The following ZDHHC14 variants were observed in gnomAD, a reference collection of about 807,000 sequenced individuals.
ZDHHC14 encodes zDHHC palmitoyltransferase 14.
A neutral mutation model predicts 47.7 loss-of-function variants in ZDHHC14; 16 were observed. That is an observed-to-expected ratio of 0.34 (90% CI 0.23 to 0.51). ZDHHC14 has a LOEUF of 0.51. Among genes scored for constraint, ZDHHC14 ranks in the 20% least tolerant of loss-of-function variants. The pLI is 0.97. For synonymous variants in ZDHHC14, 293 were observed against 278.9 expected (o/e 1.05, Z -0.50); for missense variants, 515 against 662.5 (o/e 0.78, Z 2.44).
intron 1 of ZDHHC14, among the ~76,000 whole-genome samples, chr6:157,494,780 G>T (rs1780014320): frequency 6.6e-6 from 1 of 152,164 alleles, no homozygotes; most frequent in Admixed American, 6.5e-5. Context: ...GGGCTCTAAG[G>T]TCTCAAAACC....
In ZDHHC14 at chr6:157,436,636, G is replaced by T. The variant is rs1418185790; in HGVS notation, c.245+54370G>T. On this transcript the variant is annotated intron_variant, in intron 1 of 8. Transcript: ENST00000359775. ...GAATAATGTGATGATGGGCACAGGCGTCAGAGCCCTCAGAGAGGTCTGCGG... is the reference window on the plus strand; with the variant it reads ...GAATAATGTGATGATGGGCACAGGCTTCAGAGCCCTCAGAGAGGTCTGCGG... Among the ~76,000 whole-genome samples the T allele has an allele frequency of 1.1e-4, 17 of 152,100 alleles. 1 individual carries two copies. The highest frequency in any genetic ancestry group is 1.1e-3 in the Admixed American group (17 of 15,282).
At chr6:157,635,989 C>T (rs950637972) in intron 5 of ZDHHC14, among the ~76,000 whole-genome samples, 1 of 152,166 alleles carries the variant, frequency 6.6e-6, no homozygotes, top group African/African-American at 2.4e-5. Context: ...TTTCCTCCCA[C>T]AGCCAGGCGC....
chr6:157,637,721 C>T (rs1274283645), intron 5 of ZDHHC14, among the ~76,000 whole-genome samples: 1 of 152,174 alleles, frequency 6.6e-6, no homozygotes, highest in Non-Finnish European at 1.5e-5. Flanking sequence ...TATATTTTCA[C>T]ATTTTCAGTG....
intron 3 of ZDHHC14, among the ~76,000 whole-genome samples, chr6:157,603,489 C>T (rs988035822): frequency 6.6e-6 from 1 of 151,986 alleles, no homozygotes; most frequent in Non-Finnish European, 1.5e-5. Flanking sequence ...TGCTGGAGCA[C>T]GATGCTTGAA....
intron 1 of ZDHHC14, among the ~76,000 whole-genome samples, chr6:157,482,775 C>T (rs1779666816): frequency 6.7e-6 from 1 of 149,210 alleles, no homozygotes; most frequent in Non-Finnish European, 1.5e-5. Context: ...TGGAGTCTTG[C>T]TCTGTCACCC....
At chr6:157,503,100 A>C (rs932312282) in intron 1 of ZDHHC14, among the ~76,000 whole-genome samples, 2 of 152,218 alleles carry the variant, frequency 1.3e-5, no homozygotes, top group Non-Finnish European at 2.9e-5. Flanking sequence ...ATTTGCCTAA[A>C]TTGGCACCCA....
At chr6:157,487,376 C>A (rs1269700181) in intron 1 of ZDHHC14, among the ~76,000 whole-genome samples, 1 of 152,200 alleles carries the variant, frequency 6.6e-6, no homozygotes, top group Admixed American at 6.5e-5. Context: ...TGGAGTCTCA[C>A]TGACCTGGTC....
intron 8 of ZDHHC14, among the ~76,000 whole-genome samples, chr6:157,659,410 C>T (rs1188665419): frequency 6.6e-6 from 1 of 152,358 alleles, no homozygotes; most frequent in South Asian, 2.1e-4. Flanking sequence ...CATGTTAGGG[C>T]CATGAGAAAT....
At chr6:157,514,055 G>A (rs920441376) in intron 1 of ZDHHC14, among the ~76,000 whole-genome samples, 7 of 152,168 alleles carry the variant, frequency 4.6e-5, no homozygotes, top group Non-Finnish European at 7.3e-5. Context: ...CAGTCTTCCT[G>A]AATGAGTTTG....
intron 1 of ZDHHC14, chr6:157,529,258 G>C (rs150830789): frequency 0.01 from 1,610 of 154,722 alleles, 18 homozygotes; most frequent in Non-Finnish European, 0.018. Context: ...GTTACTTCTT[G>C]AGTATAACCT....
chr6:157,575,482 A>C (rs1374961117), intron 2 of ZDHHC14, among the ~76,000 whole-genome samples: 1 of 152,002 alleles, frequency 6.6e-6, no homozygotes, highest in Non-Finnish European at 1.5e-5. Context: ...TCCCGCTTAC[A>C]CTGTGCTCTG....
intron 1 of ZDHHC14, among the ~76,000 whole-genome samples, chr6:157,464,169 A>T (rs1242375096): frequency 6.6e-6 from 1 of 152,246 alleles, no homozygotes; most frequent in Admixed American, 6.5e-5. Flanking sequence ...ATATGTTGAA[A>T]ATCCTTCTTT....
At chr6:157,560,739 T>C (rs779241045) in intron 2 of ZDHHC14, among the ~76,000 whole-genome samples, 4 of 152,270 alleles carry the variant, frequency 2.6e-5, no homozygotes, top group African/African-American at 7.2e-5. Context: ...CAGTACTTCT[T>C]ACTCATTGCC....
At chr6:157,592,682 G>C (rs1487889055) in intron 2 of ZDHHC14, 1 of 1,060,656 alleles carries the variant, frequency 9.4e-7, no homozygotes, top group Non-Finnish European at 1.2e-6. Context: ...GCCGCCTACA[G>C]GGAGGGGAGG....
At chr6:157,517,558 G>T (rs528024813) in intron 1 of ZDHHC14, among the ~76,000 whole-genome samples, 1 of 152,086 alleles carries the variant, frequency 6.6e-6, no homozygotes. Flanking sequence ...TGATCCATTC[G>T]CCTTGGCCTC....
chr6:157,605,901 G>A (rs1184601309), intron 3 of ZDHHC14, among the ~76,000 whole-genome samples: 1 of 152,168 alleles, frequency 6.6e-6, no homozygotes, highest in Non-Finnish European at 1.5e-5. Flanking sequence ...GAGGAGTAGA[G>A]AAGGTAACCA....
At chr6:157,596,887 TACA>T (rs1346338178) in intron 3 of ZDHHC14, among the ~76,000 whole-genome samples, 1 of 152,210 alleles carries the variant, frequency 6.6e-6, no homozygotes, top group Non-Finnish European at 1.5e-5. Context: ...AGTAACTGAT[TACA>T]ACAAGAAGCG....
At chr6:157,430,417 G>A (rs1032659064) in intron 1 of ZDHHC14, among the ~76,000 whole-genome samples, 7 of 151,962 alleles carry the variant, frequency 4.6e-5, no homozygotes, top group African/African-American at 1.7e-4. Context: ...CAGAAGGGCT[G>A]CATTCTTCCT....
chr6:157,574,148 T>TGTG (rs1222241333), intron 2 of ZDHHC14, among the ~76,000 whole-genome samples: 1 of 148,798 alleles, frequency 6.7e-6, no homozygotes, highest in Non-Finnish European at 1.5e-5. Context: ...AGATGCCAGG[T>TGTG]GTGGTGGCTC....
Sources: gnomAD v4.1 joint callset for allele counts (sites outside exome capture counted in the v4.1 genomes callset) on GRCh38, gnomAD v4.1.1 for gene constraint, MANE v1.5 for transcripts, NCBI Gene and HGNC (gene_info 2026-07-23, HGNC 2026-07-21) for gene names.